The following NTRK3 variants were observed in gnomAD, a reference collection of about 807,000 sequenced individuals.
The protein encoded by NTRK3 is neurotrophic receptor tyrosine kinase 3.
In NTRK3, 24 loss-of-function variants were observed where a neutral mutation model predicts 91.7. The observed-to-expected ratio is 0.26, with a 90% CI of 0.19 to 0.37. NTRK3 has a LOEUF of 0.37. Ranked by LOEUF, NTRK3 falls within the 10% of genes least tolerant of loss-of-function variation. The pLI is 1.00. For synonymous variants in NTRK3, 483 were observed against 404.0 expected, an observed-to-expected ratio of 1.20 and a Z score of -2.34; for missense variants, 880 against 1,068.9, an observed-to-expected ratio of 0.82 and a Z score of 2.46.
chr15:88,114,293 A>G lies in NTRK3; in HGVS notation c.1396+11978T>C, dbSNP rs138507880. 1.6e-3 allele frequency among the ~76,000 whole-genome samples: 247 copies of G among 152,320 alleles called. 5 individuals are homozygous for G. In the East Asian group the frequency reaches 0.038, roughly 23 times the overall value. On this transcript the variant is annotated intron_variant, in intron 13 of 18. Transcript: ENST00000394480. ...GAAACCTCAGAAGACATCAAAAAAG[A>G]TGAAATTAAAAAAATCCCAAATCCC...
chr15:87,884,192 T>C lies in NTRK3; in HGVS notation c.2134-3764A>G, dbSNP rs940500146. Reference sequence around the variant, plus strand: ...TTACATAAACTTTTGGCAAGATTAATAAGGGATGTAGAGGAGACAAATGTA... The same window carrying C: ...TTACATAAACTTTTGGCAAGATTAACAAGGGATGTAGAGGAGACAAATGTA... On this transcript the variant is annotated intron_variant, in intron 17 of 18. Coordinates refer to ENST00000394480, the Ensembl canonical transcript of NTRK3. Among the ~76,000 whole-genome samples the C allele has an allele frequency of 1.8e-4, 27 of 151,658 alleles. No homozygotes were observed. In the East Asian group the frequency reaches 4.2e-3, roughly 24 times the overall value.
intron 13 of NTRK3, among the ~76,000 whole-genome samples, chr15:88,092,887 C>T (rs74982645): frequency 6.6e-6 from 1 of 152,212 alleles, no homozygotes; most frequent in African/African-American, 2.4e-5. Context: ...CAAAAATGCA[C>T]ATTCTTGCCT....
intron 16 of NTRK3, chr15:87,931,224 G>A: frequency 1.9e-6 from 1 of 518,392 alleles, no homozygotes; most frequent in South Asian, 1.4e-5. Context: ...GGCTCTTGGG[G>A]CTGGAGATAC....
At chr15:87,907,473 G>C (rs2066842205) in intron 17 of NTRK3, among the ~76,000 whole-genome samples, 1 of 152,070 alleles carries the variant, frequency 6.6e-6, no homozygotes, top group Non-Finnish European at 1.5e-5. Context: ...AGAAATGAAT[G>C]AAACTGTAAA....
At chr15:88,070,341 T>TC (rs2046995125) in intron 13 of NTRK3, among the ~76,000 whole-genome samples, 1 of 151,744 alleles carries the variant, frequency 6.6e-6, no homozygotes, top group Non-Finnish European at 1.5e-5. Context: ...GCCTTGATCG[T>TC]CCCCCAACTT....
At chr15:87,969,909 T>C (rs192948382) in intron 14 of NTRK3, among the ~76,000 whole-genome samples, 109 of 152,288 alleles carry the variant, frequency 7.2e-4, no homozygotes, top group African/African-American at 2.6e-3. Context: ...AGAAATCCAC[T>C]GATCCTCACC....
chr15:87,962,816 A>G (rs1390513173), intron 14 of NTRK3, among the ~76,000 whole-genome samples: 1 of 152,218 alleles, frequency 6.6e-6, no homozygotes, highest in Non-Finnish European at 1.5e-5. Flanking sequence ...TCTGACCTTG[A>G]GAAAGTCATG....
intron 17 of NTRK3, among the ~76,000 whole-genome samples, chr15:87,895,576 C>T (rs1400466987): frequency 1.3e-5 from 2 of 152,298 alleles, no homozygotes; most frequent in East Asian, 1.9e-4. Flanking sequence ...CAAAGTCTCT[C>T]GTGGGAAAAA....
At chr15:88,088,957 A>G (rs1173406066) in intron 13 of NTRK3, among the ~76,000 whole-genome samples, 1 of 152,178 alleles carries the variant, frequency 6.6e-6, no homozygotes, top group Admixed American at 6.5e-5. Context: ...CTGAGGGTCC[A>G]GTGGGAATAT....
chr15:88,042,755 A>T (rs150487383), intron 13 of NTRK3, among the ~76,000 whole-genome samples: 1 of 152,264 alleles, frequency 6.6e-6, no homozygotes, highest in Non-Finnish European at 1.5e-5. Flanking sequence ...TCCCTTAATC[A>T]TCACCACAAC....
At chr15:87,949,225 T>C (rs2070859860) in intron 14 of NTRK3, among the ~76,000 whole-genome samples, 1 of 152,126 alleles carries the variant, frequency 6.6e-6, no homozygotes, top group African/African-American at 2.4e-5. Flanking sequence ...AGGAAGTTCC[T>C]AAGAACAGAC....
chr15:88,042,418 T>A (rs1478805180), intron 13 of NTRK3, among the ~76,000 whole-genome samples: 3 of 152,178 alleles, frequency 2.0e-5, no homozygotes, highest in Non-Finnish European at 4.4e-5. Context: ...GGCCCTCCCC[T>A]CTCTGCCTCC....
intron 14 of NTRK3, among the ~76,000 whole-genome samples, chr15:87,942,710 A>G (rs773213646): frequency 6.6e-6 from 1 of 152,158 alleles, no homozygotes; most frequent in Non-Finnish European, 1.5e-5. Context: ...GAAAAACAAC[A>G]ACCATGAAAT....
chr15:88,112,190 G>T (rs182519966), intron 13 of NTRK3, among the ~76,000 whole-genome samples: 1 of 152,212 alleles, frequency 6.6e-6, no homozygotes, highest in Admixed American at 6.5e-5. Flanking sequence ...ACAGGCGTGA[G>T]CCACCATGCT....
intron 17 of NTRK3, among the ~76,000 whole-genome samples, chr15:87,892,040 C>A (rs943704286): frequency 6.0e-5 from 9 of 151,114 alleles, no homozygotes; most frequent in African/African-American, 1.7e-4. Context: ...AAATGCAGAG[C>A]CCCTGTGAGC....
intron 13 of NTRK3, among the ~76,000 whole-genome samples, chr15:88,036,558 A>G (rs1345675834): frequency 6.6e-6 from 1 of 152,246 alleles, no homozygotes; most frequent in East Asian, 1.9e-4. Flanking sequence ...CAAGCAAGGA[A>G]AAGAGGAAGC....
intron 17 of NTRK3, among the ~76,000 whole-genome samples, chr15:87,890,553 T>G (rs2141565038): frequency 6.9e-6 from 1 of 145,008 alleles, no homozygotes; most frequent in South Asian, 2.2e-4. Flanking sequence ...TGGAAAGCAT[T>G]ACCAATGCTT....
chr15:88,155,181 A>G (rs76364962), intron 5 of NTRK3, among the ~76,000 whole-genome samples: 2,029 of 152,336 alleles, frequency 0.013, 22 homozygotes, highest in Non-Finnish European at 0.022. Flanking sequence ...GTTATCATGA[A>G]TTATCCCATG....
chr15:87,993,285 A>G (rs909069402), intron 14 of NTRK3, among the ~76,000 whole-genome samples: 3 of 152,196 alleles, frequency 2.0e-5, no homozygotes, highest in Non-Finnish European at 4.4e-5. Context: ...CCAGGGTGGT[A>G]TCAATTTTAA....
Sources: gnomAD v4.1 joint callset for allele counts (sites outside exome capture counted in the v4.1 genomes callset) on GRCh38, gnomAD v4.1.1 for gene constraint, MANE v1.5 for transcripts, NCBI Gene and HGNC (gene_info 2026-07-23, HGNC 2026-07-21) for gene names.